The following DLGAP2 variants were observed in gnomAD, a reference collection of about 807,000 sequenced individuals.
DLGAP2 encodes the protein DLG associated protein 2.
Under a neutral mutation model 100.3 loss-of-function variants are expected in DLGAP2, and 26 were observed. The observed-to-expected ratio is 0.26, with a 90% CI of 0.19 to 0.36. DLGAP2 has a LOEUF of 0.36. Ranked by LOEUF, DLGAP2 falls within the 10% of genes least tolerant of loss-of-function variation. DLGAP2 has a pLI of 1.00. For missense variants in DLGAP2, 1,858 were observed against 1,453.2 expected (o/e 1.28, Z -4.53); for synonymous variants, 886 against 630.1 (o/e 1.41, Z -6.08).
intron 2 of DLGAP2, among the ~76,000 whole-genome samples, chr8:1,224,631 A>T (rs1377661534): frequency 6.6e-6 from 1 of 152,258 alleles, no homozygotes; most frequent in Non-Finnish European, 1.5e-5. Context: ...AGAAAAAAAG[A>T]GATGACTGAA....
At chr8:985,521 GTATAT>G in intron 2 of DLGAP2, among the ~76,000 whole-genome samples, 1 of 152,188 alleles carries the variant, frequency 6.6e-6, no homozygotes, top group Non-Finnish European at 1.5e-5. Context: ...TGCTTAGCAA[GTATAT>G]GTGATTAATG....
intron 8 of DLGAP2, among the ~76,000 whole-genome samples, chr8:1,654,122 G>T (rs1413280850): frequency 6.6e-6 from 1 of 152,256 alleles, no homozygotes; most frequent in African/African-American, 2.4e-5. Flanking sequence ...TGGTAGTAAA[G>T]ATTTCATTCT....
chr8:1,173,597 C>T (rs1190743388), intron 2 of DLGAP2, among the ~76,000 whole-genome samples: 1 of 152,172 alleles, frequency 6.6e-6, no homozygotes, highest in Non-Finnish European at 1.5e-5. Context: ...GTGGGCGCCC[C>T]TCCCCCAGCC....
intron 2 of DLGAP2, among the ~76,000 whole-genome samples, chr8:1,205,384 C>T (rs1585150811): frequency 6.6e-6 from 1 of 151,054 alleles, no homozygotes; most frequent in African/African-American, 2.4e-5. Context: ...CAGGCTCTTC[C>T]TGAAAAGGCT....
intron 2 of DLGAP2, among the ~76,000 whole-genome samples, chr8:1,232,324 C>G (rs1798553899): frequency 6.6e-6 from 1 of 152,236 alleles, no homozygotes; most frequent in Non-Finnish European, 1.5e-5. Flanking sequence ...GTGTCTTCCT[C>G]TGGCCCCACA....
chr8:897,213 T>C (rs2128996692), intron 1 of DLGAP2, among the ~76,000 whole-genome samples: 1 of 152,322 alleles, frequency 6.6e-6, no homozygotes, highest in African/African-American at 2.4e-5. Flanking sequence ...CAATCCCTTA[T>C]TTCACAGGTG....
chr8:851,749 G>A (rs556786777), intron 1 of DLGAP2, among the ~76,000 whole-genome samples: 85 of 152,258 alleles, frequency 5.6e-4, no homozygotes, highest in African/African-American at 2.0e-3. Context: ...CATTTAACAC[G>A]ATTCACGGAG....
intron 3 of DLGAP2, among the ~76,000 whole-genome samples, chr8:1,320,792 G>C: frequency 6.6e-6 from 1 of 152,220 alleles, no homozygotes; most frequent in East Asian, 1.9e-4. Flanking sequence ...GAACAGTGTT[G>C]TGACAGCCAA....
At chr8:1,001,355 G>A (rs1433415917) in intron 2 of DLGAP2, among the ~76,000 whole-genome samples, 1 of 152,106 alleles carries the variant, frequency 6.6e-6, no homozygotes, top group Non-Finnish European at 1.5e-5. Flanking sequence ...TTTGTGTTAC[G>A]TCCATGTATT....
chr8:745,252 A>C (rs372561441), intron 1 of DLGAP2, among the ~76,000 whole-genome samples: 4 of 152,192 alleles, frequency 2.6e-5, no homozygotes, highest in Non-Finnish European at 4.4e-5. Flanking sequence ...ATTTCCGAAC[A>C]TCTGTTTTCT....
intron 2 of DLGAP2, among the ~76,000 whole-genome samples, chr8:1,044,528 G>C (rs142083311): frequency 2.0e-5 from 3 of 152,258 alleles, no homozygotes; most frequent in Admixed American, 6.5e-5. Context: ...TGCTTTGCCA[G>C]TTTGGGATCA....
At chr8:1,347,427 A>G (rs535755855) in intron 3 of DLGAP2, among the ~76,000 whole-genome samples, 64 of 140,936 alleles carry the variant, frequency 4.5e-4, no homozygotes, top group African/African-American at 1.7e-3. Context: ...TCTGCATTGC[A>G]CTCATGGCAA....
intron 2 of DLGAP2, among the ~76,000 whole-genome samples, chr8:1,172,166 A>T (rs559341077): frequency 6.6e-6 from 1 of 151,914 alleles, no homozygotes; most frequent in East Asian, 1.9e-4. Flanking sequence ...TGGATATGAA[A>T]TTCTGGGTTG....
At chr8:1,196,904 G>T (rs371728188) in intron 2 of DLGAP2, among the ~76,000 whole-genome samples, 7 of 152,264 alleles carry the variant, frequency 4.6e-5, no homozygotes, top group African/African-American at 1.4e-4. Flanking sequence ...ATGGGAATTG[G>T]TCGCTGTGAT....
chr8:953,782 G>A (rs147154424), intron 2 of DLGAP2, among the ~76,000 whole-genome samples: 140 of 152,290 alleles, frequency 9.2e-4, no homozygotes, highest in African/African-American at 3.1e-3. Flanking sequence ...GAGTGCTTCC[G>A]TTTAAGACAG....
At chr8:1,036,199 T>C (rs1450062028) in intron 2 of DLGAP2, among the ~76,000 whole-genome samples, 2 of 147,638 alleles carry the variant, frequency 1.4e-5, no homozygotes, top group Non-Finnish European at 3.0e-5. Context: ...CGCGAGTGGG[T>C]TCACAGCCTC....
intron 2 of DLGAP2, among the ~76,000 whole-genome samples, chr8:1,057,171 A>G (rs1009753962): frequency 6.6e-6 from 1 of 152,224 alleles, no homozygotes; most frequent in African/African-American, 2.4e-5. Flanking sequence ...TTTTTACCCT[A>G]GGACACACAG....
At chr8:1,135,262 T>C (rs1242574114) in intron 2 of DLGAP2, among the ~76,000 whole-genome samples, 1 of 152,182 alleles carries the variant, frequency 6.6e-6, no homozygotes, top group East Asian at 1.9e-4. Context: ...TTTTCCAAGC[T>C]GCCTAAGGAA....
rs1344826939 is a variant in DLGAP2 at position 1,559,517 on chromosome 8, G to A, written c.1231-6166G>A. ...CTCTGGTTGACATTCTTTCTGTATT[G>A]AAATTTCTTCTGTCAAAGCCTGCGA... On this transcript the variant is annotated intron_variant, in intron 5 of 14. Coordinates refer to ENST00000637795, the MANE Select transcript of DLGAP2 (RefSeq NM_001346810.2). Among the ~76,000 whole-genome samples the A allele has an allele frequency of 2.0e-5, 3 of 152,152 alleles. No homozygotes were observed. In the South Asian group the frequency reaches 6.2e-4, roughly 32 times the overall value.
Sources: gnomAD v4.1 joint callset for allele counts (sites outside exome capture counted in the v4.1 genomes callset) on GRCh38, gnomAD v4.1.1 for gene constraint, MANE v1.5 for transcripts, NCBI Gene and HGNC (gene_info 2026-07-23, HGNC 2026-07-21) for gene names.